The following DNAH3 variants were observed in gnomAD, a reference collection of about 807,000 sequenced individuals.
The protein encoded by DNAH3 is dynein axonemal heavy chain 3.
In DNAH3, 332 loss-of-function variants were observed where a neutral mutation model predicts 432.5. That is an observed-to-expected ratio of 0.77 (90% CI 0.70 to 0.84). The LOEUF (loss-of-function observed/expected upper bound fraction) is 0.84, where lower values mean the gene tolerates loss of function less well. DNAH3 is among the 40% of genes least tolerant of loss of function. The pLI is 0.00. For missense variants in DNAH3, 4,861 were observed against 5,114.0 expected (o/e 0.95, Z 1.51); for synonymous variants, 1,956 against 1,900.2 (o/e 1.03, Z -0.76).
intron 56 of DNAH3, among the ~76,000 whole-genome samples, 191 bp from the exon 57 acceptor site, chr16:20,948,828 C>T (rs2084178088): frequency 1.3e-5 from 2 of 152,250 alleles, no homozygotes; most frequent in South Asian, 4.1e-4. Flanking sequence ...AGCTGAAAAG[C>T]CTGAAACCAT....
intron 6 of DNAH3, among the ~76,000 whole-genome samples, chr16:21,135,563 C>T (rs111237756): frequency 2.0e-5 from 3 of 151,948 alleles, no homozygotes; most frequent in African/African-American, 7.3e-5. Flanking sequence ...AGTGGTGGTG[C>T]GTGCCTGTAG....
At chr16:21,040,181 C>G (rs2089368577) in intron 32 of DNAH3, among the ~76,000 whole-genome samples, 1 of 151,878 alleles carries the variant, frequency 6.6e-6, no homozygotes, top group Non-Finnish European at 1.5e-5. Context: ...TACATTGGGT[C>G]CCTCAATGGT....
exon 20 of DNAH3, chr16:21,081,656 T>C (rs764406342): frequency 5.0e-6 from 8 of 1,613,586 alleles, no homozygotes; most frequent in Non-Finnish European, 6.8e-6. Context: ...ATTTGCCGAA[T>C]CCAAATTCGA....
intron 12 of DNAH3, among the ~76,000 whole-genome samples, chr16:21,116,116 T>C (rs1431202261): frequency 1.3e-5 from 2 of 152,182 alleles, no homozygotes; most frequent in African/African-American, 2.4e-5. Context: ...ACCATATCTC[T>C]TGGTTTGCCT....
intron 41 of DNAH3, among the ~76,000 whole-genome samples, chr16:21,005,378 CTCT>C (rs1438387994): frequency 6.9e-5 from 9 of 130,342 alleles, no homozygotes; most frequent in African/African-American, 2.3e-4. Context: ...CTCTCTTTTT[CTCT>C]TTTTTCTTTC....
chr16:20,936,924 T>C (rs2083613463), intron 59 of DNAH3, 71 bp from the exon 60 acceptor site: 1 of 1,250,592 alleles, frequency 8.0e-7, no homozygotes, highest in African/African-American at 1.5e-5. Flanking sequence ...CACTGACTGC[T>C]GTCCCCTTTA....
At position 21,146,743 on chromosome 16, in the gene DNAH3, C is replaced by T. The variant is rs533652890; in HGVS notation, c.118-655G>A. Among the ~76,000 whole-genome samples the T allele has an allele frequency of 4.0e-5, 6 of 150,018 alleles. No individual in the cohort carries two copies. In the South Asian group the frequency reaches 1.3e-3, roughly 32 times the overall value. On this transcript the variant is annotated intron_variant, in intron 1 of 61. Coordinates refer to ENST00000261383, the Ensembl canonical transcript of DNAH3. ...TATGACCATCTCCCCAACCCTTCCA[C>T]TCCTGTTTCTTTTTTCTTTCTTTCT...
chr16:20,985,317 C>T, exon 48 of DNAH3: 1 of 1,614,146 alleles, frequency 6.2e-7, no homozygotes, highest in Non-Finnish European at 8.5e-7. Context: ...GCAGTATGAT[C>T]TTCTTAAGAT....
intron 50 of DNAH3, among the ~76,000 whole-genome samples, chr16:20,978,101 G>A (rs964913284): frequency 1.3e-5 from 2 of 152,164 alleles, no homozygotes; most frequent in African/African-American, 2.4e-5. Flanking sequence ...TTTTTCAGGT[G>A]GCTCTAAGAA....
chr16:21,145,826 C>T (rs543321019), intron 2 of DNAH3, among the ~76,000 whole-genome samples, 158 bp downstream of exon 3: 89 of 152,306 alleles, frequency 5.8e-4, no homozygotes, highest in African/African-American at 2.0e-3. Flanking sequence ...CTTCTGCAGC[C>T]TCTTCTGGGG....
intron 47 of DNAH3, among the ~76,000 whole-genome samples, chr16:20,986,490 G>A (rs1358148986): frequency 6.6e-6 from 1 of 152,104 alleles, no homozygotes; most frequent in African/African-American, 2.4e-5. Flanking sequence ...CTGGGTGACA[G>A]AGTGAGGTCC....
At chr16:21,015,358 T>C (rs2087805458) in intron 41 of DNAH3, among the ~76,000 whole-genome samples, 1 of 152,116 alleles carries the variant, frequency 6.6e-6, no homozygotes. Flanking sequence ...GTCAAAACTA[T>C]AGAGACAGTA....
intron 21 of DNAH3, among the ~76,000 whole-genome samples, chr16:21,074,283 A>G (rs899342490): frequency 6.6e-6 from 1 of 152,180 alleles, no homozygotes; most frequent in Non-Finnish European, 1.5e-5. Flanking sequence ...TACATTGCAC[A>G]TGAGAAAAAC....
intron 51 of DNAH3, among the ~76,000 whole-genome samples, chr16:20,974,995 T>G (rs1316122797): frequency 1.3e-5 from 2 of 150,088 alleles, no homozygotes; most frequent in African/African-American, 2.5e-5. Flanking sequence ...GTTTTTTTTT[T>G]TTTTTTTTTT....
At chr16:21,022,599 T>C (rs757948164) in intron 39 of DNAH3, among the ~76,000 whole-genome samples, 18 of 152,134 alleles carry the variant, frequency 1.2e-4, no homozygotes, top group Admixed American at 3.9e-4. Context: ...TATATGTTCT[T>C]CTTTGGGGTT....
intron 44 of DNAH3, chr16:20,996,901 C>G: frequency 5.5e-6 from 1 of 181,828 alleles, no homozygotes; most frequent in Admixed American, 5.6e-5. Flanking sequence ...GCTTAGGGCA[C>G]TTTGGGTTAG....
At chr16:21,018,392 T>A (rs1390459185) in intron 41 of DNAH3, among the ~76,000 whole-genome samples, 2 of 152,224 alleles carry the variant, frequency 1.3e-5, no homozygotes, top group Non-Finnish European at 1.5e-5. Flanking sequence ...ACCACTGATC[T>A]TAATTTTCTT....
intron 4 of DNAH3, 77 bp downstream of exon 5, chr16:21,141,223 G>C: frequency 1.1e-6 from 1 of 944,476 alleles, no homozygotes; most frequent in Non-Finnish European, 1.6e-6. Flanking sequence ...AAGAAGCAGA[G>C]TGTGGCTTTA....
chr16:20,964,897 G>C lies in DNAH3; in HGVS notation c.8987C>G (p.Thr2996Ser), dbSNP rs775854509. ...TCCTGAGGACAGCAACACGTCACCA[G>C]TCAGATTAGTATAGCGGATCCCCAG... Residue 2996 changes from threonine to serine, a missense_variant, in exon 53 of 62, where the codon ACT becomes AGT. Physicochemically the swap from Thr to Ser is moderately conservative, Grantham distance 58 (BLOSUM62 1). Transcript: ENST00000261383. 21 of 1,614,062 alleles carry C rather than the reference G, an allele frequency of 1.3e-5. No individual in the cohort carries two copies. The highest frequency in any genetic ancestry group is 1.8e-5 in the Non-Finnish European group (21 of 1,180,046).
Sources: allele counts gnomAD v4.1 joint callset (sites outside exome capture counted in the v4.1 genomes callset), GRCh38; gene constraint gnomAD v4.1.1; transcripts MANE v1.5; gene names NCBI Gene and HGNC (gene_info 2026-07-23, HGNC 2026-07-21).